Variants in PTGR1 observed in about 807,000 individuals in gnomAD.
The protein encoded by PTGR1 is prostaglandin reductase 1.
Under a neutral mutation model 37.7 loss-of-function variants are expected in PTGR1, and 23 were observed. The ratio of observed to expected loss-of-function variants is 0.61; its 90% CI spans 0.44 to 0.86. The LOEUF is 0.86. Ranked by LOEUF, PTGR1 falls within the 40% of genes least tolerant of loss-of-function variation. PTGR1 has a pLI of 0.00. For missense variants in PTGR1, 351 were observed against 394.3 expected (o/e 0.89, Z 0.93); for synonymous variants, 134 against 140.0 (o/e 0.96, Z 0.30).
intron 4 of PTGR1, among the ~76,000 whole-genome samples, chr9:111,590,873 T>C (rs1218163069): frequency 1.3e-5 from 2 of 152,216 alleles, no homozygotes; most frequent in African/African-American, 2.4e-5. Context: ...TTATCAGTAG[T>C]AGATTAGTTA....
Position 111,562,767 on chromosome 9 carries a change from G to A in PTGR1, c.*354C>T, listed in dbSNP as rs981174415. 2 of 219,750 alleles carry A rather than the reference G, an allele frequency of 9.1e-6. No individual in the cohort carries two copies. The highest frequency in any genetic ancestry group is 1.2e-4 in the East Asian group (1 of 8,018). 13.6% of individuals were successfully genotyped at this position (219,750 alleles called of 1,614,324 possible). On this transcript the variant is annotated 3_prime_UTR_variant, in exon 10 of 10. Coordinates refer to ENST00000407693, the MANE Select transcript of PTGR1 (RefSeq NM_001146108.2). The stretch of plus-strand genomic sequence containing the variant: ...TCCCTCCCTCACCCCGGCTTCCACA[G>A]GCCCCAGCGTGTGTTGTTCCCCTCC...
At chr9:111,553,806 G>C (rs1291989264) in intron 9 of PTGR1, among the ~76,000 whole-genome samples, 1 of 152,190 alleles carries the variant, frequency 6.6e-6, no homozygotes, top group Non-Finnish European at 1.5e-5. Context: ...CTAGCCTCAA[G>C]TGACTACCAT....
chr9:111,556,605 C>T (rs1158509996), intron 9 of PTGR1, among the ~76,000 whole-genome samples: 1 of 152,226 alleles, frequency 6.6e-6, no homozygotes, highest in African/African-American at 2.4e-5. Flanking sequence ...CACATAGAAA[C>T]TGCCAAGGTT....
intron 9 of PTGR1, 131 bp from the exon 10 acceptor site, chr9:111,563,362 T>TC: frequency 2.2e-6 from 2 of 910,010 alleles, no homozygotes; most frequent in Non-Finnish European, 3.2e-6. Flanking sequence ...AGTCCTGTCC[T>TC]CCATGAACTT....
intron 2 of PTGR1, among the ~76,000 whole-genome samples, chr9:111,596,926 CAAAAA>C (rs71494900): frequency 2.5e-3 from 231 of 90,656 alleles, no homozygotes; most frequent in Admixed American, 4.8e-3. Flanking sequence ...GACTCTGTCT[CAAAAA>C]AAAAAAAAAA....
At chr9:111,593,121 A>G in intron 3 of PTGR1, 139 bp from the exon 4 acceptor site, 1 of 1,349,272 alleles carries the variant, frequency 7.4e-7, no homozygotes, top group East Asian at 2.5e-5. Flanking sequence ...ATGCGGCAAT[A>G]AAACCCAGAC....
chr9:111,580,850 C>A (rs1829261891), intron 6 of PTGR1, among the ~76,000 whole-genome samples: 1 of 151,852 alleles, frequency 6.6e-6, no homozygotes, highest in Non-Finnish European at 1.5e-5. Context: ...AAGTGGACTT[C>A]TTGTTTCTAG....
At chr9:111,571,796 G>A (rs1258806948) in intron 8 of PTGR1, among the ~76,000 whole-genome samples, 3 of 152,100 alleles carry the variant, frequency 2.0e-5, no homozygotes, top group Non-Finnish European at 4.4e-5. Context: ...AAGCCACTGC[G>A]CCTGGCTAAG....
intron 6 of PTGR1, among the ~76,000 whole-genome samples, chr9:111,580,092 T>C (rs987078592): frequency 2.0e-5 from 3 of 152,162 alleles, no homozygotes; most frequent in Non-Finnish European, 2.9e-5. Context: ...TCTAAGACTA[T>C]AGACTATCAT....
intron 9 of PTGR1, among the ~76,000 whole-genome samples, chr9:111,552,336 C>T (rs1334381569): frequency 6.6e-6 from 1 of 151,960 alleles, no homozygotes; most frequent in Non-Finnish European, 1.5e-5. Context: ...AGCTTTTGTG[C>T]ATATGTACTG....
chr9:111,549,882 G>T (rs937603035), intron 9 of PTGR1: 2 of 840,918 alleles, frequency 2.4e-6, no homozygotes, highest in Non-Finnish European at 1.9e-6. Context: ...TCAATGTTTG[G>T]TCTTCCTCAT....
At chr9:111,576,387 G>C in intron 7 of PTGR1, 1 of 1,614,126 alleles carries the variant, frequency 6.2e-7, no homozygotes, top group East Asian at 2.2e-5. Flanking sequence ...CAGTAAAAAA[G>C]ATGCAGATGT....
downstream of PTGR1, among the ~76,000 whole-genome samples, chr9:111,561,169 GAGAGAGAGAA>G (rs1172605609): frequency 1.0e-4 from 14 of 139,448 alleles, no homozygotes; most frequent in East Asian, 2.4e-4. Flanking sequence ...GAGAGAGAGA[GAGAGAGAGAA>G]AGAGAGAGAG....
chr9:111,594,699 T>A (rs1389762380), intron 2 of PTGR1, among the ~76,000 whole-genome samples: 1 of 148,732 alleles, frequency 6.7e-6, no homozygotes, highest in East Asian at 2.0e-4. Context: ...TACAGCCGCC[T>A]GCCTCACAAC....
At chr9:111,574,196 T>C (rs1024168938) in intron 8 of PTGR1, 1 of 152,230 alleles carries the variant, frequency 6.6e-6, no homozygotes, top group African/African-American at 2.4e-5. Context: ...CTTTTTACAG[T>C]TTTGCATTAA....
exon 10 of PTGR1, chr9:111,549,749 C>T (rs1827884284): frequency 6.4e-7 from 1 of 1,550,394 alleles, no homozygotes. Flanking sequence ...ATACATATTC[C>T]CTTCATTTTT....
rs140686692 is a variant in PTGR1 at position 111,583,430 on chromosome 9, T to C, written c.495+42A>G. The C allele has an allele frequency of 7.6e-4, 1,138 of 1,490,950 alleles. 9 individuals are homozygous for C. In the African/African-American group the frequency reaches 0.014, roughly 19 times the overall value. 92.4% of individuals were successfully genotyped at this position (1,490,950 alleles called of 1,614,324 possible). Reference sequence around the variant, plus strand: ...GCTGTGTTCACTGTTGCATTCCCAATGGGTTTTGAATAAAGGCTTGTTACT... The same window carrying C: ...GCTGTGTTCACTGTTGCATTCCCAACGGGTTTTGAATAAAGGCTTGTTACT... On this transcript the variant is annotated intron_variant, in intron 6 of 9. Coordinates refer to ENST00000407693, the MANE Select transcript of PTGR1 (RefSeq NM_001146108.2).
intron 5 of PTGR1, among the ~76,000 whole-genome samples, chr9:111,584,095 C>T (rs561839750): frequency 1.3e-5 from 2 of 152,134 alleles, no homozygotes; most frequent in African/African-American, 4.8e-5. Flanking sequence ...GAAACTTCCC[C>T]GTATTACCCC....
At position 111,562,682 on chromosome 9, in the gene PTGR1, C is replaced by CTGTCT. The variant is rs1161192012; in HGVS notation, c.*438_*439insAGACA. 2 of 156,372 alleles carry CTGTCT rather than the reference C, an allele frequency of 1.3e-5. No individual in the cohort carries two copies. Among genetic ancestry groups the CTGTCT allele is most frequent in the Non-Finnish European group, 2.8e-5 (2 of 70,682 alleles). The allele number at this position is 156,372 out of a possible 1,614,324, so 9.7% of individuals were successfully genotyped here. ...CGTGTGCCATGATGGTTTGCTTCAC[C>CTGTCT]TGTCAACCCATCACCTAGGTATTAG... On this transcript the variant is annotated 3_prime_UTR_variant, in exon 10 of 10. Transcript: ENST00000407693.
Sources: gnomAD v4.1 joint callset for allele counts (sites outside exome capture counted in the v4.1 genomes callset) on GRCh38, gnomAD v4.1.1 for gene constraint, MANE v1.5 for transcripts, NCBI Gene and HGNC (gene_info 2026-07-23, HGNC 2026-07-21) for gene names.